The following PCDHA11 variants were observed in gnomAD, a reference collection of about 807,000 sequenced individuals.
The protein encoded by PCDHA11 is protocadherin alpha-11.
In PCDHA11, 61 loss-of-function variants were observed where a neutral mutation model predicts 70.3. The ratio of observed to expected loss-of-function variants is 0.87; its 90% CI spans 0.71 to 1.07. The LOEUF (loss-of-function observed/expected upper bound fraction) is 1.07. Ranked by LOEUF, PCDHA11 falls within the 50% of genes least tolerant of loss-of-function variation. The pLI is 0.00. For missense variants in PCDHA11, 1,324 were observed against 1,237.5 expected, an observed-to-expected ratio of 1.07 and a Z score of -1.05; for synonymous variants, 633 against 555.1, an observed-to-expected ratio of 1.14 and a Z score of -1.97.
At chr5:140,971,209 C>T (rs147218200) in intron 1 of PCDHA11, among the ~76,000 whole-genome samples, 3 of 152,118 alleles carry the variant, frequency 2.0e-5, no homozygotes, top group African/African-American at 7.2e-5. Context: ...ACACTGTTAC[C>T]CTCCCTCTCC....
chr5:140,994,483 G>A (rs1356969213), intron 3 of PCDHA11, among the ~76,000 whole-genome samples: 1 of 152,062 alleles, frequency 6.6e-6, no homozygotes, highest in East Asian at 1.9e-4. Context: ...CGGGTGGATT[G>A]CCTGAACCCA....
intron 1 of PCDHA11, among the ~76,000 whole-genome samples, chr5:140,977,515 C>T (rs2096764078): frequency 6.6e-6 from 1 of 152,158 alleles, no homozygotes; most frequent in African/African-American, 2.4e-5. Context: ...ATTTTGTGAA[C>T]TTGAAAACAA....
At chr5:140,972,540 T>C (rs1375467339) in intron 1 of PCDHA11, among the ~76,000 whole-genome samples, 1 of 152,148 alleles carries the variant, frequency 6.6e-6, no homozygotes, top group East Asian at 1.9e-4. Context: ...AAATCACTTG[T>C]GCAGTGAGGA....
chr5:140,951,503 A>G (rs1554219922), intron 1 of PCDHA11, among the ~76,000 whole-genome samples: 1 of 151,992 alleles, frequency 6.6e-6, no homozygotes, highest in African/African-American at 2.4e-5. Flanking sequence ...AGGCAAAAGG[A>G]AAGCGGCTCA....
intron 1 of PCDHA11, among the ~76,000 whole-genome samples, chr5:140,890,373 T>A (rs868994302): frequency 2.4e-4 from 37 of 152,196 alleles, no homozygotes; most frequent in African/African-American, 7.5e-4. Context: ...CCTGAACAAG[T>A]ACTCTTTCTT....
intron 1 of PCDHA11, among the ~76,000 whole-genome samples, chr5:140,895,802 CTGTATTGTAT>C (rs1289601886): frequency 6.6e-6 from 1 of 152,048 alleles, no homozygotes; most frequent in Admixed American, 6.6e-5. Context: ...ATGTACAATA[CTGTATTGTAT>C]TGTATTGTAT....
rs199928168 is a variant in PCDHA11, at chr5:141,009,915, C to T, written c.2828C>T (p.Thr943Met). The part of the protein sequence containing the change: ...TQEKKEKGNS[T>M]TDNSDQ The stretch of plus-strand genomic sequence containing the variant: ...GAGAAAAAAGAGAAAGGGAACAGCA[C>T]GACTGACAACAGTGACCAGTGAGGT... The change falls in exon 4 of 4, where the codon ACG becomes ATG. Residue 943 changes from threonine to methionine, a missense_variant. Physicochemically the swap from Thr to Met is moderately conservative, Grantham distance 81. Coordinates refer to ENST00000398640, the MANE Select transcript of PCDHA11 (RefSeq NM_018902.5). The T allele has an allele frequency of 9.0e-4, 1,448 of 1,611,544 alleles. 2 individuals carry two copies. Among genetic ancestry groups the T allele is most frequent in the Admixed American group, 3.7e-3 (222 of 59,324 alleles).
intron 1 of PCDHA11, 163 bp from the exon 2 acceptor site, chr5:140,978,786 G>C (rs2096822943): frequency 1.4e-5 from 14 of 972,674 alleles, no homozygotes; most frequent in Non-Finnish European, 1.3e-5. Context: ...CTTCTAAAGT[G>C]CTATATATGT....
At chr5:140,873,973 T>C (rs1255024393) in intron 1 of PCDHA11, among the ~76,000 whole-genome samples, 2 of 152,224 alleles carry the variant, frequency 1.3e-5, no homozygotes. Flanking sequence ...TTTTTTAAAA[T>C]TAAAGTTCCT....
chr5:140,878,006 C>T (rs251378), intron 1 of PCDHA11: 602,670 of 913,772 alleles, frequency 0.66, 200,442 homozygotes, highest in African/African-American at 0.71. Flanking sequence ...ATTTGTCTAA[C>T]ATTAATGAAG....
At chr5:140,940,987 T>A (rs1239979893) in intron 1 of PCDHA11, among the ~76,000 whole-genome samples, 2 of 152,190 alleles carry the variant, frequency 1.3e-5, no homozygotes, top group African/African-American at 4.8e-5. Flanking sequence ...TAGTTACAAG[T>A]TTATAGGATT....
chr5:140,885,945 TA>T (rs2060787135), intron 1 of PCDHA11, among the ~76,000 whole-genome samples: 1 of 152,206 alleles, frequency 6.6e-6, no homozygotes, highest in Non-Finnish European at 1.5e-5. Flanking sequence ...TTGACATTTT[TA>T]ATTAAAATTT....
At chr5:140,882,446 G>T (rs556783584) in intron 1 of PCDHA11, 1 of 1,613,924 alleles carries the variant, frequency 6.2e-7, no homozygotes, top group African/African-American at 1.3e-5. Flanking sequence ...GGCGGAGCTG[G>T]TGCCGCGCCT....
chr5:140,953,476 G>A (rs1554220931), intron 1 of PCDHA11, among the ~76,000 whole-genome samples: 2 of 152,088 alleles, frequency 1.3e-5, no homozygotes. Flanking sequence ...ACTTCCTCAT[G>A]CTGTGTCACA....
At chr5:140,985,348 A>G (rs1197077354) in intron 3 of PCDHA11, among the ~76,000 whole-genome samples, 2 of 152,190 alleles carry the variant, frequency 1.3e-5, no homozygotes, top group Non-Finnish European at 2.9e-5. Context: ...AGGCCCAGAT[A>G]TAGACCCTCT....
At chr5:140,925,420 G>C (rs1332055982) in intron 1 of PCDHA11, among the ~76,000 whole-genome samples, 2 of 152,102 alleles carry the variant, frequency 1.3e-5, no homozygotes, top group Non-Finnish European at 2.9e-5. Flanking sequence ...AAAGGAACTG[G>C]TTGTAGGGTG....
intron 1 of PCDHA11, chr5:140,927,559 G>C: frequency 6.2e-7 from 1 of 1,614,170 alleles, no homozygotes; most frequent in Non-Finnish European, 8.5e-7. Flanking sequence ...CACCATCATT[G>C]TGGTGGACAC....
chr5:140,969,783 A>G (rs1293806015), intron 1 of PCDHA11, among the ~76,000 whole-genome samples: 1 of 152,228 alleles, frequency 6.6e-6, no homozygotes, highest in Non-Finnish European at 1.5e-5. Context: ...GGGCTATCAT[A>G]GTCACCACTA....
chr5:140,896,902 G>C (rs1427098120), intron 1 of PCDHA11, among the ~76,000 whole-genome samples: 1 of 152,044 alleles, frequency 6.6e-6, no homozygotes, highest in Non-Finnish European at 1.5e-5. Context: ...TTTGATACAA[G>C]CATGCAATGC....
Sources: gnomAD v4.1 joint callset for allele counts (sites outside exome capture counted in the v4.1 genomes callset) on GRCh38, gnomAD v4.1.1 for gene constraint, MANE v1.5 for transcripts, NCBI Gene and HGNC (gene_info 2026-07-23, HGNC 2026-07-21) for gene names.